The following PTPN13 variants were observed in gnomAD, a reference collection of about 807,000 sequenced individuals.
PTPN13 encodes the protein protein tyrosine phosphatase non-receptor type 13, also known as tyrosine-protein phosphatase non-receptor type 13.
In PTPN13, 191 loss-of-function variants were observed where a neutral mutation model predicts 284.0. The observed-to-expected ratio is 0.67, with a 90% CI of 0.60 to 0.76. PTPN13 has a LOEUF of 0.76. Among genes scored for constraint, PTPN13 ranks in the 30% least tolerant of loss-of-function variants. The pLI is 0.00. For missense variants in PTPN13, 2,797 were observed against 2,939.9 expected, an observed-to-expected ratio of 0.95 and a Z score of 1.12; for synonymous variants, 986 against 1,022.3, an observed-to-expected ratio of 0.96 and a Z score of 0.68.
intron 7 of PTPN13, among the ~76,000 whole-genome samples, chr4:86,715,026 A>G (rs1202050424): frequency 5.9e-5 from 9 of 152,188 alleles, no homozygotes; most frequent in Non-Finnish European, 5.9e-5. Flanking sequence ...ATATTCAGGT[A>G]AAGAAGAAGG....
At chr4:86,780,593 C>A in intron 36 of PTPN13, 121 bp downstream of exon 36, 1 of 703,440 alleles carries the variant, frequency 1.4e-6, no homozygotes, top group Admixed American at 2.2e-5. Flanking sequence ...AAAATATAAT[C>A]CAGCTTTTTC....
chr4:86,618,670 T>C (rs1395057608), intron 1 of PTPN13, among the ~76,000 whole-genome samples: 3 of 152,230 alleles, frequency 2.0e-5, no homozygotes, highest in East Asian at 1.9e-4. Context: ...TTCCTAAGTA[T>C]TTTATTCTCT....
At chr4:86,781,235 C>T (rs1264922419) in intron 36 of PTPN13, among the ~76,000 whole-genome samples, 2 of 152,056 alleles carry the variant, frequency 1.3e-5, no homozygotes, top group African/African-American at 4.8e-5. Context: ...AATAGAGGTT[C>T]TTAAATGTAT....
chr4:86,683,432 A>C (rs1300401951), intron 3 of PTPN13, among the ~76,000 whole-genome samples: 1 of 152,220 alleles, frequency 6.6e-6, no homozygotes, highest in Non-Finnish European at 1.5e-5. Flanking sequence ...GTTCTAAGGC[A>C]GTTAAGTAGA....
intron 28 of PTPN13, among the ~76,000 whole-genome samples, 193 bp from the exon 29 acceptor site, chr4:86,769,576 G>A (rs767377328): frequency 3.3e-5 from 5 of 152,186 alleles, no homozygotes; most frequent in Non-Finnish European, 7.3e-5. Flanking sequence ...TAGTTGATAA[G>A]ATTTCTTAAT....
intron 1 of PTPN13, among the ~76,000 whole-genome samples, chr4:86,609,645 T>C (rs1398340079): frequency 6.6e-6 from 1 of 152,234 alleles, no homozygotes; most frequent in East Asian, 1.9e-4. Flanking sequence ...TTTCTGCTTT[T>C]CTTTTTTTTC....
At chr4:86,751,254 G>T in intron 19 of PTPN13, 130 bp downstream of exon 19, 1 of 677,894 alleles carries the variant, frequency 1.5e-6, no homozygotes, top group Non-Finnish European at 2.5e-6. Flanking sequence ...TAAATTTTAG[G>T]CTACTTAAAA....
At chr4:86,630,865 C>T (rs1474327097) in intron 1 of PTPN13, among the ~76,000 whole-genome samples, 3 of 152,214 alleles carry the variant, frequency 2.0e-5, no homozygotes, top group East Asian at 3.9e-4. Context: ...ACTAGCTGTG[C>T]GTGCCACAAT....
At position 86,753,024 on chromosome 4, in the gene PTPN13, G is replaced by A. The variant is rs368920124; in HGVS notation, c.3182G>A (p.Ser1061Asn). ...QAYVLGMTMH[S>N]SGNSSSQVPL... ...TATGCCACAGGAATGACTATGCATA[G>A]TTCTGGAAACTCTTCATCCCAAGTA... The change falls in exon 20 of 48, where the codon AGT (serine) becomes AAT (asparagine). Residue 1061 changes from serine to asparagine, a missense_variant. Coordinates refer to ENST00000411767, the MANE Select transcript of PTPN13 (RefSeq NM_080683.3). 1 of 1,608,312 alleles carries A rather than the reference G, an allele frequency of 6.2e-7. No homozygotes were observed. The highest frequency in any genetic ancestry group is 8.5e-7 in the Non-Finnish European group (1 of 1,175,982).
intron 9 of PTPN13, among the ~76,000 whole-genome samples, chr4:86,718,057 T>G (rs1021892989): frequency 6.6e-6 from 1 of 152,200 alleles, no homozygotes; most frequent in African/African-American, 2.4e-5. Flanking sequence ...TTGTTTAAAC[T>G]GAAAGGTGTC....
chr4:86,760,963 T>A (rs1738598721), intron 23 of PTPN13, among the ~76,000 whole-genome samples: 1 of 151,702 alleles, frequency 6.6e-6, no homozygotes, highest in African/African-American at 2.4e-5. Context: ...TGTTTTTGTT[T>A]GCTAATTTTT....
chr4:86,657,137 G>T (rs989177915), intron 2 of PTPN13, among the ~76,000 whole-genome samples: 2 of 152,140 alleles, frequency 1.3e-5, no homozygotes, highest in Non-Finnish European at 2.9e-5. Flanking sequence ...GCTTCCCTTG[G>T]CTAGGAAAGG....
intron 28 of PTPN13, among the ~76,000 whole-genome samples, chr4:86,768,936 C>T (rs1389813769): frequency 6.6e-6 from 1 of 152,050 alleles, no homozygotes; most frequent in Non-Finnish European, 1.5e-5. Context: ...TCTTGAACTC[C>T]TGACCTCAGG....
intron 16 of PTPN13, among the ~76,000 whole-genome samples, chr4:86,742,240 TAC>T (rs1182206534): frequency 1.3e-5 from 2 of 152,198 alleles, no homozygotes; most frequent in Admixed American, 1.3e-4. Context: ...ATCTCAGAGG[TAC>T]AGAGACTTAC....
chr4:86,803,737 C>G lies in PTPN13; in HGVS notation c.6534C>G (p.Leu2178=). 6.2e-7 allele frequency: 1 copy of G among 1,613,654 alleles called. No homozygotes were observed. Among genetic ancestry groups the G allele is most frequent in the Non-Finnish European group, 8.5e-7 (1 of 1,179,694 alleles). ...KDHSFLTNDE[L]AVLPVVKVLP... ...ATTCCTTTCTGACAAACGATGAGCT[C>G]GCTGTACTCCCTGTCGTCAAAGTGC... Residue 2178 remains leucine (L), a synonymous_variant, in exon 43 of 48, where the codon CTC becomes CTG. Transcript: ENST00000411767.
At chr4:86,641,455 T>C (rs577095212) in intron 2 of PTPN13, among the ~76,000 whole-genome samples, 7 of 152,258 alleles carry the variant, frequency 4.6e-5, no homozygotes, top group Non-Finnish European at 1.0e-4. Flanking sequence ...TGGGGTATTA[T>C]TGAACAAAAG....
intron 6 of PTPN13, among the ~76,000 whole-genome samples, chr4:86,696,543 ATTT>A (rs1484276517): frequency 6.6e-6 from 1 of 151,926 alleles, no homozygotes; most frequent in Non-Finnish European, 1.5e-5. Context: ...TTTATTTGTG[ATTT>A]TGTTTTTATA....
At chr4:86,635,006 C>T (rs930585596) in intron 1 of PTPN13, among the ~76,000 whole-genome samples, 1 of 152,166 alleles carries the variant, frequency 6.6e-6, no homozygotes, top group African/African-American at 2.4e-5. Flanking sequence ...GCAGTCACCA[C>T]CCCCATTCTC....
intron 10 of PTPN13, among the ~76,000 whole-genome samples, chr4:86,726,674 C>G (rs1302646923): frequency 4.0e-5 from 6 of 149,718 alleles, no homozygotes; most frequent in Middle Eastern, 3.4e-3. Flanking sequence ...TATCCTGACA[C>G]TTTGCTGAAG....
Sources: gnomAD v4.1 joint callset for allele counts (sites outside exome capture counted in the v4.1 genomes callset) on GRCh38, gnomAD v4.1.1 for gene constraint, MANE v1.5 for transcripts, NCBI Gene and HGNC (gene_info 2026-07-23, HGNC 2026-07-21) for gene names.